The following TTLL8 variants were observed in gnomAD, a reference collection of about 807,000 sequenced individuals.
The protein encoded by TTLL8 is tubulin tyrosine ligase like 8, also known as protein monoglycylase TTLL8.
A neutral mutation model predicts 77.8 loss-of-function variants in TTLL8; 65 were observed. The ratio of observed to expected loss-of-function variants is 0.84; its 90% CI spans 0.68 to 1.03. The LOEUF is 1.03. Among genes scored for constraint, TTLL8 ranks in the 50% least tolerant of loss-of-function variants. The pLI is 0.00. For missense variants in TTLL8, 910 were observed against 1,004.5 expected (o/e 0.91, Z 1.27); for synonymous variants, 402 against 422.8 (o/e 0.95, Z 0.60).
chr22:50,019,595 G>C (rs903176298), intron 12 of TTLL8, among the ~76,000 whole-genome samples: 1 of 152,212 alleles, frequency 6.6e-6, no homozygotes, highest in Non-Finnish European at 1.5e-5. Flanking sequence ...GTCCACGTGG[G>C]AGGGACTGAT....
At chr22:50,040,757 C>G (rs1207274993) in intron 8 of TTLL8, among the ~76,000 whole-genome samples, 1 of 152,214 alleles carries the variant, frequency 6.6e-6, no homozygotes, top group African/African-American at 2.4e-5. Flanking sequence ...TGGGATGAAG[C>G]ATGAAGCTGC....
At chr22:50,040,250 C>T (rs2061362123) in intron 8 of TTLL8, among the ~76,000 whole-genome samples, 1 of 149,636 alleles carries the variant, frequency 6.7e-6, no homozygotes. Flanking sequence ...GTAGGCAGAC[C>T]TCATGGATCC....
rs749975300 is a variant in TTLL8, at chr22:50,030,788, C to T, written c.1845G>A (p.Lys615=). ...CTGGCATGGCCGAGGGGCCCCGTGC[C>T]TTCAGCGGCTGCGCGTCCAACAGCG... The change falls in exon 12 of 14, where the codon AAG becomes AAA. Residue 615 remains lysine (K), a synonymous_variant. Coordinates refer to ENST00000266182, the Ensembl canonical transcript of TTLL8. 5 of 1,348,856 alleles carry T rather than the reference C, an allele frequency of 3.7e-6. No individual in the cohort carries two copies. The Admixed American group carries it at 1.0e-4, about 27-fold the overall frequency. The allele number at this position is 1,348,856 out of a possible 1,614,324, so 83.6% of individuals were successfully genotyped here. A position where few individuals can be genotyped will look rare whatever the true frequency, so the allele number is the denominator to read the frequency against.
At chr22:50,027,284 A>G (rs150932171) in intron 12 of TTLL8, among the ~76,000 whole-genome samples, 4,239 of 151,360 alleles carry the variant, frequency 0.028, 80 homozygotes, top group South Asian at 0.052. Context: ...CTGTAATCCC[A>G]ACACTTTGGG....
At chr22:50,030,249 G>C in intron 12 of TTLL8, 181 bp downstream of exon 13, 1 of 985,304 alleles carries the variant, frequency 1.0e-6, no homozygotes, top group Non-Finnish European at 1.2e-6. Context: ...GCCGGGCTGG[G>C]ACAGGTGCCC....
intron 3 of TTLL8, among the ~76,000 whole-genome samples, chr22:50,048,141 TG>T (rs1569233055): frequency 6.8e-6 from 1 of 147,362 alleles, no homozygotes; most frequent in African/African-American, 2.5e-5. Context: ...TGTGTGTGTG[TG>T]TGTAAATAAT....
chr22:50,047,397 C>T lies in TTLL8; in HGVS notation c.265-101G>A, dbSNP rs75102543. 9.9e-4 allele frequency: 990 copies of T among 998,036 alleles called. 12 individuals are homozygous for T. The African/African-American group carries it at 0.012, about 12-fold the overall frequency. The allele number at this position is 998,036 out of a possible 1,614,324, so 61.8% of individuals were successfully genotyped here. On this transcript the variant is annotated intron_variant, in intron 3 of 13. Coordinates refer to ENST00000266182, the Ensembl canonical transcript of TTLL8. ...CCATCAGAGGACAAATGGCGTGCAG[C>T]GTGAGGATCCCAGCCGGGCTCTGCT...
chr22:50,032,178 C>T (rs1315039330), intron 10 of TTLL8, 69 bp from the exon 12 acceptor site: 1 of 1,288,622 alleles, frequency 7.8e-7, no homozygotes, highest in Non-Finnish European at 1.0e-6. Flanking sequence ...GCCGGTCCTC[C>T]CAGCCGTGCT....
intron 12 of TTLL8, among the ~76,000 whole-genome samples, chr22:50,029,522 C>T (rs973676081): frequency 2.6e-5 from 4 of 151,554 alleles, no homozygotes; most frequent in Non-Finnish European, 4.4e-5. Context: ...CGGCGGATCA[C>T]GAGGTCAGGA....
intron 1 of TTLL8, among the ~76,000 whole-genome samples, chr22:50,053,248 A>T (rs940284251): frequency 6.6e-6 from 1 of 151,190 alleles, no homozygotes; most frequent in African/African-American, 2.4e-5. Context: ...AGCACACTCT[A>T]CACCAACTGT....
At chr22:50,056,661 G>A (rs954494417), upstream of TTLL8, 4 of 705,802 alleles carry the variant, frequency 5.7e-6, no homozygotes, top group African/African-American at 1.9e-5. The surrounding 1 kb of genome is among the most constrained non-coding windows in gnomAD (Gnocchi z 4.1). Context: ...AGTGGGATCG[G>A]GGTACAGGAG....
intron 12 of TTLL8, among the ~76,000 whole-genome samples, chr22:50,024,772 G>A (rs1449397784): frequency 6.6e-6 from 1 of 152,244 alleles, no homozygotes; most frequent in East Asian, 1.9e-4. Flanking sequence ...AGCAAGACCA[G>A]TAAGCACCAG....
chr22:50,049,157 C>G (rs573580861), intron 3 of TTLL8, 92 bp downstream of exon 5: 4 of 1,348,840 alleles, frequency 3.0e-6, no homozygotes, highest in Middle Eastern at 2.8e-4. Flanking sequence ...TGCCATCCCC[C>G]CAGGACATGG....
In TTLL8 at chr22:50,034,992, G is replaced by T. The variant is rs2061325951; in HGVS notation, c.922-530C>A. Among the ~76,000 whole-genome samples the T allele has an allele frequency of 6.6e-6, 1 of 152,230 alleles. No homozygotes were observed. On this transcript the variant is annotated intron_variant, in intron 8 of 13. Coordinates refer to ENST00000266182, the Ensembl canonical transcript of TTLL8. The surrounding 1 kb of genome is among the most constrained non-coding windows in gnomAD (Gnocchi z 4.1). Reference sequence around the variant, plus strand: ...GGAGCTCAGCATCATTCTGACTCAAGACCCTTTGCAGTCACGGGCTAGACT... The same window carrying T: ...GGAGCTCAGCATCATTCTGACTCAATACCCTTTGCAGTCACGGGCTAGACT...
intron 12 of TTLL8, chr22:50,027,502 C>G (rs1175751421): frequency 1.7e-6 from 1 of 574,398 alleles, no homozygotes; most frequent in Non-Finnish European, 2.2e-6. Flanking sequence ...CCACTGCACT[C>G]CAGCCTGGGC....
At chr22:50,050,856 C>T (rs1014804454) in intron 1 of TTLL8, among the ~76,000 whole-genome samples, 1 of 152,198 alleles carries the variant, frequency 6.6e-6, no homozygotes, top group African/African-American at 2.4e-5. Context: ...ACGTGGACCC[C>T]TTAAAGTTGT....
exon 12 of TTLL8, chr22:50,030,743 T>C (rs1197966753): frequency 2.3e-6 from 3 of 1,327,616 alleles, no homozygotes; most frequent in Non-Finnish European, 3.0e-6. Flanking sequence ...GAGCTGGTGA[T>C]GGGGGTCCCT....
At chr22:50,045,376 G>A in exon 6 of TTLL8, 1 of 1,365,908 alleles carries the variant, frequency 7.3e-7, no homozygotes, top group Non-Finnish European at 9.8e-7. Flanking sequence ...ATGCCATGGT[G>A]CGCCGGAAGT....
In TTLL8 at chr22:50,034,439, G is replaced by T. The variant is rs2061321651; in HGVS notation, c.945C>A (p.Ile315=). ...TGTCCGTCTGAGGGTTCACAGACGT[G>T]ATTCTATTCAGCAGAGCCTGGCACT... is the stretch of plus-strand genomic sequence containing the variant. The change falls in exon 9 of 14, where the codon ATC becomes ATA. Residue 315 remains isoleucine (I), a synonymous_variant. Transcript: ENST00000266182. The surrounding 1 kb of genome is among the most constrained non-coding windows in gnomAD (Gnocchi z 4.1). 1 of 1,367,280 alleles carries T rather than the reference G, an allele frequency of 7.3e-7. No homozygotes were observed. Among genetic ancestry groups the T allele is most frequent in the Non-Finnish European group, 9.8e-7 (1 of 1,021,828 alleles). 84.7% of individuals were successfully genotyped at this position (1,367,280 alleles called of 1,614,324 possible).
Sources: gnomAD v4.1 joint callset for allele counts (sites outside exome capture counted in the v4.1 genomes callset) on GRCh38, gnomAD v4.1.1 for gene constraint, Gnocchi (gnomAD v3.1) non-coding constraint, MANE v1.5 for transcripts, NCBI Gene and HGNC (gene_info 2026-07-23, HGNC 2026-07-21) for gene names.